Variants in DNAH11 observed in about 807,000 individuals in gnomAD.
The protein encoded by DNAH11 is axonemal beta dynein heavy chain 11.
Under a neutral mutation model 526.0 loss-of-function variants are expected in DNAH11, and 442 were observed. The ratio of observed to expected loss-of-function variants is 0.84; its 90% CI spans 0.78 to 0.91. The LOEUF is 0.91. DNAH11 is among the 40% of genes least tolerant of loss of function. The probability of loss-of-function intolerance (pLI) is 0.00; values close to 1 mark genes in which losing one functional copy is unlikely to be tolerated. For missense variants in DNAH11, 6,989 were observed against 5,448.7 expected (o/e 1.28, Z -8.90); for synonymous variants, 2,461 against 1,935.9 (o/e 1.27, Z -7.12).
In DNAH11 at chr7:21,600,764, T is replaced by A; in HGVS notation, c.3089T>A (p.Phe1030Tyr). Residue 1030 changes from phenylalanine (F) to tyrosine (Y), a missense_variant, in exon 16 of 82, where the codon TTC (phenylalanine) becomes TAC (tyrosine). By Grantham distance (22) the Phe-to-Tyr change is conservative. Coordinates refer to ENST00000409508, the MANE Select transcript of DNAH11 (RefSeq NM_001277115.2). ...AATGTCATCAACAAAGTCTTAGATT[T>A]CAGAAACACCCTGGAGACCCACACT... ...VVNVINKVLD[F>Y]RNTLETHTYL... 6.2e-7 allele frequency: 1 copy of A among 1,613,774 alleles called. No homozygotes were observed.
intron 65 of DNAH11, among the ~76,000 whole-genome samples, chr7:21,833,785 T>C (rs912049716): frequency 1.3e-5 from 2 of 152,178 alleles, no homozygotes; most frequent in African/African-American, 4.8e-5. Context: ...ATTGTAGAGA[T>C]GCAAATGAGT....
intron 77 of DNAH11, among the ~76,000 whole-genome samples, chr7:21,893,913 C>G (rs1784415296): frequency 6.6e-6 from 1 of 152,088 alleles, no homozygotes. Flanking sequence ...TTTTTTGAGA[C>G]AGTTTCATTC....
chr7:21,747,016 G>T (rs1289479829), intron 51 of DNAH11, among the ~76,000 whole-genome samples: 1 of 152,190 alleles, frequency 6.6e-6, no homozygotes, highest in Non-Finnish European at 1.5e-5. Context: ...TTTGATCAGG[G>T]ATTATGAGCT....
At chr7:21,781,579 A>G (rs1028932713) in intron 57 of DNAH11, among the ~76,000 whole-genome samples, 1 of 152,222 alleles carries the variant, frequency 6.6e-6, no homozygotes, top group Admixed American at 6.5e-5. Context: ...TGAAGCGCTA[A>G]TATCATCTCT....
intron 55 of DNAH11, 128 bp downstream of exon 55, chr7:21,765,717 T>A: frequency 7.9e-7 from 1 of 1,260,968 alleles, no homozygotes. Flanking sequence ...CAGAAAGCTA[T>A]CCTGATTTGT....
intron 5 of DNAH11, 58 bp downstream of exon 5, chr7:21,561,228 C>A: frequency 7.8e-7 from 1 of 1,284,456 alleles, no homozygotes; most frequent in Non-Finnish European, 1.1e-6. Context: ...TGATCCAGCC[C>A]CTGCCTGCTC....
intron 54 of DNAH11, among the ~76,000 whole-genome samples, chr7:21,760,034 C>CT (rs1786827771): frequency 6.7e-6 from 1 of 150,050 alleles, no homozygotes; most frequent in African/African-American, 2.5e-5. Flanking sequence ...GCGTTTTTAA[C>CT]TTTATTTTTT....
In DNAH11 at chr7:21,875,877, C is replaced by CTTTTTTTT. The variant is rs35349937; in HGVS notation, c.12195+2393_12195+2400dup. Among the ~76,000 whole-genome samples, 13 of 78,906 alleles carry CTTTTTTTT rather than the reference C, an allele frequency of 1.6e-4. 1 individual carries two copies. The highest frequency in any genetic ancestry group is 6.3e-4 in the African/African-American group (12 of 18,952). 51.8% of individuals were successfully genotyped at this position (78,906 alleles called of 152,430 possible). On this transcript the variant is annotated intron_variant, in intron 74 of 81. Coordinates refer to ENST00000409508, the MANE Select transcript of DNAH11 (RefSeq NM_001277115.2). ...TTAGGAACTTCAAGGAAGAATATTT[C>CTTTTTTTT]TTTTTTTTTTTTTTTTTTTTTTTTG...
chr7:21,616,059 G>T (rs1297432145), intron 21 of DNAH11, 150 bp from the exon 22 acceptor site: 1 of 604,478 alleles, frequency 1.7e-6, no homozygotes, highest in South Asian at 2.4e-5. Context: ...TTTGGTGATA[G>T]GGAAGTTTTG....
chr7:21,590,009 T>A (rs1185736211), intron 12 of DNAH11, among the ~76,000 whole-genome samples: 1 of 152,144 alleles, frequency 6.6e-6, no homozygotes, highest in Non-Finnish European at 1.5e-5. Flanking sequence ...AAATATTAAG[T>A]TAAATAATGT....
chr7:21,868,804 C>A, intron 72 of DNAH11, 60 bp from the exon 73 acceptor site: 1 of 1,604,236 alleles, frequency 6.2e-7, no homozygotes, highest in South Asian at 1.1e-5. Context: ...CACAGAATTC[C>A]AGGCTCCTCT....
intron 18 of DNAH11, among the ~76,000 whole-genome samples, chr7:21,602,052 TA>T (rs1158700575): frequency 1.3e-5 from 2 of 151,894 alleles, no homozygotes; most frequent in African/African-American, 2.4e-5. Flanking sequence ...TAATAAAGAA[TA>T]AATAGGCCAG....
intron 28 of DNAH11, among the ~76,000 whole-genome samples, chr7:21,646,009 C>A (rs183405770): frequency 6.6e-6 from 1 of 152,126 alleles, no homozygotes; most frequent in African/African-American, 2.4e-5. Context: ...AATAACAATG[C>A]AAGCTGCAAA....
At chr7:21,560,365 C>A (rs2128431548) in intron 4 of DNAH11, among the ~76,000 whole-genome samples, 1 of 152,248 alleles carries the variant, frequency 6.6e-6, no homozygotes, top group African/African-American at 2.4e-5. Context: ...AGAATTGACT[C>A]ACAGGATCAC....
At chr7:21,705,609 C>G (rs1458186750) in intron 39 of DNAH11, 72 bp downstream of exon 39, 3 of 1,444,426 alleles carry the variant, frequency 2.1e-6, no homozygotes, top group Non-Finnish European at 2.9e-6. Flanking sequence ...GGCCTATTTT[C>G]AATGCTACTC....
intron 81 of DNAH11, 42 bp downstream of exon 81, chr7:21,900,162 C>G (rs771668945): frequency 3.8e-6 from 6 of 1,575,954 alleles, no homozygotes; most frequent in Non-Finnish European, 1.7e-6. Context: ...TTTTCTTACT[C>G]AGGTTCAGAT....
At chr7:21,664,027 A>G (rs1213910671) in intron 30 of DNAH11, among the ~76,000 whole-genome samples, 1 of 151,974 alleles carries the variant, frequency 6.6e-6, no homozygotes, top group Admixed American at 6.6e-5. Flanking sequence ...TGGCTGCACT[A>G]ACTTACATTC....
intron 28 of DNAH11, among the ~76,000 whole-genome samples, chr7:21,646,748 G>A (rs1787370339): frequency 6.6e-6 from 1 of 152,106 alleles, no homozygotes; most frequent in South Asian, 2.1e-4. Flanking sequence ...TGGTAGCGGG[G>A]AATAAATAGC....
At chr7:21,567,930 C>T (rs1416441148) in intron 6 of DNAH11, among the ~76,000 whole-genome samples, 1 of 152,142 alleles carries the variant, frequency 6.6e-6, no homozygotes, top group African/African-American at 2.4e-5. Context: ...CCTTGTGTGT[C>T]ATTACCACTC....
Sources: allele counts gnomAD v4.1 joint callset (sites outside exome capture counted in the v4.1 genomes callset), GRCh38; gene constraint gnomAD v4.1.1; transcripts MANE v1.5; gene names NCBI Gene and HGNC (gene_info 2026-07-23, HGNC 2026-07-21).